Variants in CNOT10 observed in about 807,000 individuals in gnomAD.
The protein encoded by CNOT10 is CCR4-NOT transcription complex subunit 10.
In CNOT10, 30 loss-of-function variants were observed where a neutral mutation model predicts 94.6. That is an observed-to-expected ratio of 0.32 (90% CI 0.24 to 0.43). CNOT10 has a LOEUF of 0.43. Ranked by LOEUF, CNOT10 falls within the 20% of genes least tolerant of loss-of-function variation. The probability of loss-of-function intolerance (pLI) is 1.00; values close to 1 mark genes in which losing one functional copy is unlikely to be tolerated. For missense variants in CNOT10, 759 were observed against 877.2 expected (o/e 0.87, Z 1.70); for synonymous variants, 289 against 301.6 (o/e 0.96, Z 0.43).
intron 5 of CNOT10, among the ~76,000 whole-genome samples, chr3:32,714,406 A>T (rs952660206): frequency 7.7e-6 from 1 of 130,436 alleles, no homozygotes; most frequent in African/African-American, 3.0e-5. Flanking sequence ...AAAGTTCTTC[A>T]AAAAAAAAAA....
chr3:32,688,383 G>T (rs1696715827), intron 1 of CNOT10, among the ~76,000 whole-genome samples: 1 of 152,128 alleles, frequency 6.6e-6, no homozygotes, highest in South Asian at 2.1e-4. Flanking sequence ...TGGATCACCT[G>T]AGGTCAGGAG....
At position 32,725,507 on chromosome 3, in the gene CNOT10, G is replaced by A; in HGVS notation, c.920G>A (p.Ser307Asn). The change falls in exon 9 of 19, where the codon AGC (serine) becomes AAC (asparagine). Residue 307 changes from serine to asparagine, a missense_variant. This residue lies in a region of CNOT10 where 682 missense variants were observed against 799.4 expected (regional missense o/e 0.85). Coordinates refer to ENST00000328834, the MANE Select transcript of CNOT10 (RefSeq NM_015442.3). ...NNLGCIHFAMSKHNLGIFYFK... is the reference protein window; with the variant it reads ...NNLGCIHFAMNKHNLGIFYFK... The stretch of plus-strand genomic sequence containing the variant: ...CTTGGTTGCATCCATTTTGCCATGA[G>A]CAAGCACAATTTGGGAATATTCTAC... The A allele has an allele frequency of 6.2e-7, 1 of 1,613,828 alleles. No individual in the cohort carries two copies. The highest frequency in any genetic ancestry group is 1.7e-5 in the Admixed American group (1 of 60,016).
intron 1 of CNOT10, among the ~76,000 whole-genome samples, chr3:32,687,454 T>TTTG (rs1696665113): frequency 2.2e-5 from 1 of 45,950 alleles, no homozygotes; most frequent in African/African-American, 1.1e-4. Context: ...TTTTTTTTGT[T>TTTG]TTTTTTTTTT....
At chr3:32,757,634 AG>A (rs1302851620) in intron 13 of CNOT10, among the ~76,000 whole-genome samples, 7 of 152,244 alleles carry the variant, frequency 4.6e-5, no homozygotes, top group African/African-American at 1.7e-4. Context: ...ATAAGCCAAA[AG>A]GAGAAATTAA....
rs191523020 is a variant in CNOT10, at chr3:32,726,142, A to G, written c.1012+543A>G. Reference sequence around the variant, plus strand: ...GTGTTTTTTGTAAAGATAGGGTTTCACCATGTTGCCCAGGCTGGTCTGGAA... The same window carrying G: ...GTGTTTTTTGTAAAGATAGGGTTTCGCCATGTTGCCCAGGCTGGTCTGGAA... On this transcript the variant is annotated intron_variant, in intron 9 of 18. Coordinates refer to ENST00000328834, the MANE Select transcript of CNOT10 (RefSeq NM_015442.3). 1.8e-3 allele frequency among the ~76,000 whole-genome samples: 270 copies of G among 152,108 alleles called. 1 individual carries two copies. The highest frequency in any genetic ancestry group is 5.6e-3 in the African/African-American group (233 of 41,508).
chr3:32,721,953 A>G (rs1457214620), intron 8 of CNOT10, among the ~76,000 whole-genome samples: 3 of 148,354 alleles, frequency 2.0e-5, no homozygotes, highest in African/African-American at 7.3e-5. Context: ...TGCCCGGCCT[A>G]TTACATATTC....
At chr3:32,767,167 C>T (rs1001281135) in intron 17 of CNOT10, among the ~76,000 whole-genome samples, 1 of 152,196 alleles carries the variant, frequency 6.6e-6, no homozygotes, top group Non-Finnish European at 1.5e-5. Context: ...AGAAGGCCCA[C>T]ATCCCCACAT....
In CNOT10 at chr3:32,697,689, G is replaced by A. The variant is rs114850084; in HGVS notation, c.23-6179G>A. Among the ~76,000 whole-genome samples the A allele has an allele frequency of 2.0e-3, 312 of 152,236 alleles. 2 individuals carry two copies. The highest frequency in any genetic ancestry group is 3.2e-3 in the Non-Finnish European group (218 of 68,012). On this transcript the variant is annotated intron_variant, in intron 1 of 18. Transcript: ENST00000328834. The stretch of plus-strand genomic sequence containing the variant: ...AGGGTCTTGTTTTGTTTCCCAGGCT[G>A]GTCTGGAACTCCTAGGCTCAAGCAG...
intron 8 of CNOT10, among the ~76,000 whole-genome samples, chr3:32,725,247 T>C (rs538539506): frequency 2.0e-5 from 3 of 152,344 alleles, no homozygotes; most frequent in South Asian, 4.1e-4. Context: ...AAATAATTTG[T>C]ATCACCTTTA....
intron 7 of CNOT10, 54 bp downstream of exon 7, chr3:32,717,291 A>G (rs1698166388): frequency 5.8e-6 from 6 of 1,043,298 alleles, no homozygotes; most frequent in South Asian, 2.7e-5. Context: ...TATTTAGACT[A>G]TGGGTATTGT....
At chr3:32,703,195 AT>A (rs1697450376) in intron 1 of CNOT10, among the ~76,000 whole-genome samples, 1 of 148,418 alleles carries the variant, frequency 6.7e-6, no homozygotes, top group African/African-American at 2.5e-5. Context: ...AAGTGCTGGG[AT>A]TACAGGCGTG....
At chr3:32,695,968 AGTGTGTGTGTGTGTGT>A (rs764702440) in intron 1 of CNOT10, 7,294 of 432,730 alleles carry the variant, frequency 0.017, 49 homozygotes, top group Non-Finnish European at 0.022. Flanking sequence ...TGTTGAAGAG[AGTGTGTGTGTGTGTGT>A]GTGTGTGTGT....
At chr3:32,708,588 C>A in intron 3 of CNOT10, 82 bp from the exon 4 acceptor site, 1 of 1,205,472 alleles carries the variant, frequency 8.3e-7, no homozygotes. Flanking sequence ...GGCCTATGTT[C>A]CTTTTTATTC....
At chr3:32,773,382 A>G in intron 18 of CNOT10, 75 bp from the exon 19 acceptor site, 1 of 1,447,050 alleles carries the variant, frequency 6.9e-7, no homozygotes, top group Non-Finnish European at 9.3e-7. Flanking sequence ...CCTCCCCAGC[A>G]GGATTTTCAT....
chr3:32,685,354 C>G lies in CNOT10; in HGVS notation c.-107C>G, dbSNP rs1277041306. On this transcript the variant is annotated 5_prime_UTR_variant, in exon 1 of 19. Transcript: ENST00000328834. ...TAGCCGGAACCTGGGGGCCCGGAGC[C>G]GGGGTAGGCACAGAGTTGTCCTCGG... 2.9e-6 allele frequency: 4 copies of G among 1,359,340 alleles called. No homozygotes were observed. The highest frequency in any genetic ancestry group is 4.1e-6 in the Non-Finnish European group (4 of 978,574). The allele number at this position is 1,359,340 out of a possible 1,614,324, so 84.2% of individuals were successfully genotyped here.
intron 12 of CNOT10, among the ~76,000 whole-genome samples, chr3:32,736,113 T>A (rs145738050): frequency 3.7e-4 from 57 of 152,076 alleles, no homozygotes; most frequent in African/African-American, 1.4e-3. Flanking sequence ...TGAGACAGAG[T>A]CTCCCTCTGT....
At chr3:32,764,336 C>CA (rs753565203) in intron 15 of CNOT10, 119 bp from the exon 16 acceptor site, 118,129 of 776,568 alleles carry the variant, frequency 0.15, 116 homozygotes, top group Non-Finnish European at 0.16. Context: ...GGCTCCATCT[C>CA]AAAAAAAAAA....
rs187503260 is a variant in CNOT10, at chr3:32,714,643, A to G, written c.573+1274A>G. On this transcript the variant is annotated intron_variant, in intron 5 of 18. Transcript: ENST00000328834. ...AGAATCACTTGAAACTGGGAGGCGGAGATTGCAGTGAGCCAAGATTACGCC... is the reference window on the plus strand; with the variant it reads ...AGAATCACTTGAAACTGGGAGGCGGGGATTGCAGTGAGCCAAGATTACGCC... Among the ~76,000 whole-genome samples, 343 of 152,308 alleles carry G rather than the reference A, an allele frequency of 2.3e-3. 1 individual carries two copies. The highest frequency in any genetic ancestry group is 7.7e-3 in the African/African-American group (318 of 41,560).
intron 1 of CNOT10, among the ~76,000 whole-genome samples, chr3:32,687,459 T>TTTTG (rs1553627024): frequency 5.4e-5 from 6 of 110,120 alleles, no homozygotes; most frequent in African/African-American, 1.9e-4. Flanking sequence ...TTTGTTTTTT[T>TTTTG]TTTTTTTTTT....
Sources: allele counts gnomAD v4.1 joint callset (sites outside exome capture counted in the v4.1 genomes callset), GRCh38; gene constraint gnomAD v4.1.1; regional missense constraint gnomAD v4.1.1; transcripts MANE v1.5; gene names NCBI Gene and HGNC (gene_info 2026-07-23, HGNC 2026-07-21).